The following DOCK2 variants were observed in gnomAD, a reference collection of about 807,000 sequenced individuals.
DOCK2 encodes the protein dedicator of cytokinesis protein 2.
A neutral mutation model predicts 248.9 loss-of-function variants in DOCK2; 87 were observed. That is an observed-to-expected ratio of 0.35 (90% CI 0.29 to 0.42). The LOEUF (loss-of-function observed/expected upper bound fraction) is 0.42, where lower values mean the gene tolerates loss of function less well. Among genes scored for constraint, DOCK2 ranks in the 10% least tolerant of loss-of-function variants. DOCK2 has a pLI of 1.00. For missense variants in DOCK2, 1,747 were observed against 2,300.2 expected, an observed-to-expected ratio of 0.76 and a Z score of 4.92; for synonymous variants, 805 against 821.6, an observed-to-expected ratio of 0.98 and a Z score of 0.35.
intron 27 of DOCK2, among the ~76,000 whole-genome samples, chr5:169,928,935 TATTA>T (rs1197084048): frequency 3.3e-5 from 5 of 152,230 alleles, no homozygotes; most frequent in Non-Finnish European, 1.5e-5. Flanking sequence ...ATAACTGCGC[TATTA>T]ATTATGCCAA....
At chr5:169,901,685 G>A (rs879262540) in intron 27 of DOCK2, among the ~76,000 whole-genome samples, 9 of 152,100 alleles carry the variant, frequency 5.9e-5, no homozygotes, top group Non-Finnish European at 1.3e-4. Flanking sequence ...AGTGTGAGGC[G>A]GAAAGATGTA....
chr5:170,005,097 A>C (rs949408404), intron 30 of DOCK2, among the ~76,000 whole-genome samples: 1 of 152,004 alleles, frequency 6.6e-6, no homozygotes, highest in African/African-American at 2.4e-5. Flanking sequence ...GTACTGATCC[A>C]TACTACAACA....
chr5:169,887,680 A>G (rs937680948), intron 27 of DOCK2, among the ~76,000 whole-genome samples: 1 of 152,216 alleles, frequency 6.6e-6, no homozygotes, highest in African/African-American at 2.4e-5. Flanking sequence ...AAAGTCTATA[A>G]ATAAACATTT....
At chr5:169,678,343 A>C (rs1209620370) in intron 6 of DOCK2, among the ~76,000 whole-genome samples, 1 of 151,818 alleles carries the variant, frequency 6.6e-6, no homozygotes, top group Admixed American at 6.6e-5. Flanking sequence ...AGTGCACTGC[A>C]ACATCCGCCT....
intron 26 of DOCK2, among the ~76,000 whole-genome samples, chr5:169,820,876 G>A (rs1302174783): frequency 6.6e-6 from 1 of 152,098 alleles, no homozygotes; most frequent in Non-Finnish European, 1.5e-5. Flanking sequence ...CTTGAAAAAA[G>A]ATTAGATGAA....
At chr5:169,696,182 CG>C (rs1166399272) in intron 10 of DOCK2, among the ~76,000 whole-genome samples, 2 of 152,106 alleles carry the variant, frequency 1.3e-5, no homozygotes, top group Admixed American at 6.5e-5. Context: ...ATCGGGAGAC[CG>C]GGGCCGTCTG....
chr5:170,081,698 G>T, intron 50 of DOCK2, 144 bp from the exon 51 acceptor site: 1 of 908,830 alleles, frequency 1.1e-6, no homozygotes, highest in Non-Finnish European at 1.6e-6. Context: ...GCAGGAAATA[G>T]GCATCCTGCC....
intron 27 of DOCK2, among the ~76,000 whole-genome samples, chr5:169,926,542 C>T (rs1309189102): frequency 1.3e-5 from 2 of 152,084 alleles, no homozygotes; most frequent in Non-Finnish European, 2.9e-5. Flanking sequence ...ATCTGGGTGC[C>T]GCATGAGGCT....
At chr5:169,922,182 G>T (rs1775212040) in intron 27 of DOCK2, among the ~76,000 whole-genome samples, 1 of 152,174 alleles carries the variant, frequency 6.6e-6, no homozygotes, top group South Asian at 2.1e-4. Flanking sequence ...GCTTTTGGAA[G>T]AAGCTCTCCA....
intron 27 of DOCK2, among the ~76,000 whole-genome samples, chr5:169,852,541 AGT>A (rs1770670559): frequency 1.3e-5 from 2 of 152,332 alleles, no homozygotes. Flanking sequence ...GTCTCTTCAC[AGT>A]GCAGATCCCC....
rs367948045 is a variant in DOCK2, at chr5:169,899,397, C to T, written c.2799+58545C>T. Among the ~76,000 whole-genome samples the T allele has an allele frequency of 2.0e-5, 3 of 152,286 alleles. No individual in the cohort carries two copies. The East Asian group carries it at 5.8e-4, about 29-fold the overall frequency. The stretch of plus-strand genomic sequence containing the variant: ...GCCAAGAATCAGGTTCAATGAGACC[C>T]TGGAGGGAGAGCCTGCCTACCACCT... On this transcript the variant is annotated intron_variant, in intron 27 of 51. Coordinates refer to ENST00000520908, the MANE Select transcript of DOCK2 (RefSeq NM_004946.3).
In DOCK2 at chr5:169,800,418, C is replaced by T. The variant is rs749290874; in HGVS notation, c.2555-2640C>T. 4.4e-4 allele frequency among the ~76,000 whole-genome samples: 67 copies of T among 152,346 alleles called. 1 individual carries two copies. The highest frequency in any genetic ancestry group is 3.4e-3 in the Middle Eastern group (1 of 294). On this transcript the variant is annotated intron_variant, in intron 25 of 51. Transcript: ENST00000520908. The stretch of plus-strand genomic sequence containing the variant: ...TCAAATGCCACCTCCTCCATTCATT[C>T]AGCCAAGATTTACTGACTCACTGCT...
intron 37 of DOCK2, 43 bp from the exon 38 acceptor site, chr5:170,041,970 A>C: frequency 6.2e-7 from 1 of 1,603,668 alleles, no homozygotes; most frequent in Non-Finnish European, 8.5e-7. Context: ...TGCTCTTGGC[A>C]GCCTCTCGGC....
chr5:169,886,744 G>T (rs1772992659), intron 27 of DOCK2, among the ~76,000 whole-genome samples: 1 of 152,058 alleles, frequency 6.6e-6, no homozygotes, highest in African/African-American at 2.4e-5. Context: ...GCAGAGCCTA[G>T]GTATTTATAT....
At chr5:169,680,739 T>C (rs1426404901) in intron 6 of DOCK2, among the ~76,000 whole-genome samples, 1 of 151,904 alleles carries the variant, frequency 6.6e-6, no homozygotes, top group Non-Finnish European at 1.5e-5. Flanking sequence ...AAAAATTAAA[T>C]AAATTGAGAC....
intron 25 of DOCK2, among the ~76,000 whole-genome samples, chr5:169,767,548 C>T (rs1259930630): frequency 6.6e-6 from 1 of 152,096 alleles, no homozygotes; most frequent in Non-Finnish European, 1.5e-5. Context: ...ATTTTGGATC[C>T]TGGCTTGATT....
At chr5:169,937,791 T>C (rs1335081866) in intron 27 of DOCK2, among the ~76,000 whole-genome samples, 2 of 152,246 alleles carry the variant, frequency 1.3e-5, no homozygotes, top group Non-Finnish European at 2.9e-5. Context: ...TCATTGTCCC[T>C]GGACCCTAGA....
intron 27 of DOCK2, among the ~76,000 whole-genome samples, chr5:169,967,717 T>C (rs1028684755): frequency 1.3e-5 from 2 of 151,752 alleles, no homozygotes; most frequent in African/African-American, 4.8e-5. Flanking sequence ...AAGCAGGGGG[T>C]GCGTTTAGGA....
chr5:169,901,055 GT>G (rs1410139662), intron 27 of DOCK2, among the ~76,000 whole-genome samples: 4 of 152,188 alleles, frequency 2.6e-5, no homozygotes, highest in African/African-American at 9.6e-5. Context: ...GCTAGATGTT[GT>G]GACCAAAAAA....
Sources: gnomAD v4.1 joint callset for allele counts (sites outside exome capture counted in the v4.1 genomes callset) on GRCh38, gnomAD v4.1.1 for gene constraint, MANE v1.5 for transcripts, NCBI Gene and HGNC (gene_info 2026-07-23, HGNC 2026-07-21) for gene names.